TPCN2: variants seen among roughly 807,000 people sequenced by gnomAD.
TPCN2 encodes two pore channel protein 2.
A neutral mutation model predicts 111.4 loss-of-function variants in TPCN2; 92 were observed. That is an observed-to-expected ratio of 0.83 (90% CI 0.70 to 0.98). TPCN2 has a LOEUF of 0.98. Ranked by LOEUF, TPCN2 falls within the 50% of genes least tolerant of loss-of-function variation. TPCN2 has a pLI of 0.00. For synonymous variants in TPCN2, 405 were observed against 414.5 expected, an observed-to-expected ratio of 0.98 and a Z score of 0.28; for missense variants, 995 against 980.1, an observed-to-expected ratio of 1.02 and a Z score of -0.20.
chr11:69,062,904 T>A lies in TPCN2; in HGVS notation c.567T>A (p.Leu189=). Residue 189 remains leucine, a synonymous_variant, in exon 6 of 25, where the codon CTT becomes CTA. Transcript: ENST00000294309. ...TCCAGCCCCTGCGGATCCGCCGGCT[T>A]CTCCGTCCCTTCTTCCTGCTGCAGA... is the stretch of plus-strand genomic sequence containing the variant. ...VCHEPLRIRR[L]LRPFFLLQNS... is the part of the protein sequence containing the mutation. 6.2e-7 allele frequency: 1 copy of A among 1,613,904 alleles called. No homozygotes were observed. Among genetic ancestry groups the A allele is most frequent in the Non-Finnish European group, 8.5e-7 (1 of 1,179,888 alleles).
In TPCN2 at chr11:69,088,308, G is replaced by A. The variant is rs2134653183; in HGVS notation, c.*355G>A. ...TGCCTTTGCTGCCGGCAGCCCTTGG[G>A]GACCACAGGCCTGACCAGGGCCTGC... On this transcript the variant is annotated 3_prime_UTR_variant, in exon 25 of 25. Coordinates refer to ENST00000294309, the MANE Select transcript of TPCN2 (RefSeq NM_139075.4). 2 of 264,682 alleles carry A rather than the reference G, an allele frequency of 7.6e-6. No individual in the cohort carries two copies. Among genetic ancestry groups the A allele is most frequent in the South Asian group, 1.1e-4 (2 of 18,074 alleles). The allele number at this position is 264,682 out of a possible 1,614,324, so 16.4% of individuals were successfully genotyped here.
rs1590703446 is a variant in TPCN2, at chr11:69,054,271, C to G, written c.174+174C>G. 3 of 610,184 alleles carry G rather than the reference C, an allele frequency of 4.9e-6. No homozygotes were observed. The East Asian group carries it at 8.3e-5, about 17-fold the overall frequency. 37.8% of individuals were successfully genotyped at this position (610,184 alleles called of 1,614,324 possible). A position where few individuals can be genotyped will look rare whatever the true frequency, so the allele number is the denominator to read the frequency against. On this transcript the variant is annotated intron_variant, in intron 2 of 24. Transcript: ENST00000294309. ...CTTCGTCAGTCCCCGGAGGACTTGT[C>G]TTCTGCATCCTGGACGCATTTGCTG...
intron 1 of TPCN2, 107 bp from the exon 2 acceptor site, chr11:69,053,926 G>A: frequency 3.2e-6 from 3 of 949,812 alleles, no homozygotes; most frequent in Non-Finnish European, 4.9e-6. Flanking sequence ...CTTTACAAAC[G>A]GCCTTGGGAA....
rs955576959 is a variant in TPCN2, at chr11:69,062,901, G to A, written c.564G>A (p.Arg188=). 6.2e-7 allele frequency: 1 copy of A among 1,613,848 alleles called. No homozygotes were observed. The highest frequency in any genetic ancestry group is 8.5e-7 in the Non-Finnish European group (1 of 1,179,912). Residue 188 remains arginine (R), a synonymous_variant, in exon 6 of 25, where the codon CGG becomes CGA. Coordinates refer to ENST00000294309, the MANE Select transcript of TPCN2 (RefSeq NM_139075.4). ...TCTTCCAGCCCCTGCGGATCCGCCG[G>A]CTTCTCCGTCCCTTCTTCCTGCTGC... The part of the protein sequence containing the change: ...LVCHEPLRIR[R]LLRPFFLLQN...
Position 69,055,109 on chromosome 11 carries a change from C to T in TPCN2, c.252-66C>T, listed in dbSNP as rs980027366. 5 of 1,555,424 alleles carry T rather than the reference C, an allele frequency of 3.2e-6. No individual in the cohort carries two copies. In the African/African-American group the frequency reaches 6.8e-5, roughly 21 times the overall value. On this transcript the variant is annotated intron_variant, in intron 3 of 24. Transcript: ENST00000294309. The stretch of plus-strand genomic sequence containing the variant: ...CCCGTGCTTCGGACTGGGGAAGCTC[C>T]TGACCAGCCTCTGGGCCCTGAGGGC...
In TPCN2 at chr11:69,052,749, G is replaced by A. The variant is rs575986297; in HGVS notation, c.110-1284G>A. On this transcript the variant is annotated intron_variant, in intron 1 of 24. Coordinates refer to ENST00000294309, the MANE Select transcript of TPCN2 (RefSeq NM_139075.4). ...CTAAGGATGGCCAGTGGCGTGGGCG[G>A]GTCATGGCCTGGAGCTCTGCCTGGG... Among the ~76,000 whole-genome samples, 14 of 152,322 alleles carry A rather than the reference G, an allele frequency of 9.2e-5. No individual in the cohort carries two copies. In the South Asian group the frequency reaches 2.9e-3, roughly 32 times the overall value.
intron 13 of TPCN2, among the ~76,000 whole-genome samples, chr11:69,078,001 G>A (rs921314836): frequency 2.6e-5 from 4 of 152,216 alleles, no homozygotes; most frequent in South Asian, 4.1e-4. Flanking sequence ...GCTGCTGAGC[G>A]TGGGAAGTGC....
At chr11:69,060,076 G>A (rs954043347) in intron 5 of TPCN2, among the ~76,000 whole-genome samples, 5 of 152,220 alleles carry the variant, frequency 3.3e-5, no homozygotes, top group East Asian at 1.9e-4. Flanking sequence ...CTTAGGCCAC[G>A]TGCCCTGCAG....
intron 7 of TPCN2, 72 bp downstream of exon 7, chr11:69,064,039 G>T: frequency 6.9e-7 from 1 of 1,456,304 alleles, no homozygotes; most frequent in Admixed American, 1.8e-5. Context: ...GGCTGGGCTG[G>T]TGTCTGCTGC....
At chr11:69,069,391 G>A (rs1317096400) in intron 8 of TPCN2, among the ~76,000 whole-genome samples, 4 of 36,438 alleles carry the variant, frequency 1.1e-4, no homozygotes, top group African/African-American at 2.2e-4. Flanking sequence ...GGAAGTGACC[G>A]CAGTGGGAGC....
intron 19 of TPCN2, 85 bp from the exon 20 acceptor site, chr11:69,085,125 C>T: frequency 7.8e-7 from 1 of 1,288,820 alleles, no homozygotes; most frequent in Non-Finnish European, 1.1e-6. Context: ...CAGTCATCCT[C>T]TGGCTTTGCG....
chr11:69,087,220 G>A lies in TPCN2; in HGVS notation c.2180+14G>A. 1 of 1,611,604 alleles carries A rather than the reference G, an allele frequency of 6.2e-7. No individual in the cohort carries two copies. Among genetic ancestry groups the A allele is most frequent in the Non-Finnish European group, 8.5e-7 (1 of 1,178,114 alleles). ...GCTCCTGTTCAGGTGTGTGGGTGGG[G>A]AAGGCGCTTCTGTCTGGCCCCCTGG... is the stretch of plus-strand genomic sequence containing the variant. On this transcript the variant is annotated intron_variant, in intron 24 of 24. Coordinates refer to ENST00000294309, the MANE Select transcript of TPCN2 (RefSeq NM_139075.4).
intron 10 of TPCN2, 110 bp from the exon 11 acceptor site, chr11:69,071,813 C>CT: frequency 3.9e-6 from 4 of 1,017,344 alleles, no homozygotes; most frequent in Non-Finnish European, 6.0e-6. Flanking sequence ...TGGGCCCCCC[C>CT]CCAAGGCTGC....
In TPCN2 at chr11:69,088,127, A is replaced by C. The variant is rs1060435; in HGVS notation, c.*174A>C. 1.7e-6 allele frequency: 1 copy of C among 595,688 alleles called. No homozygotes were observed. The highest frequency in any genetic ancestry group is 2.0e-5 in the South Asian group (1 of 48,928). 36.9% of individuals were successfully genotyped at this position (595,688 alleles called of 1,614,324 possible). A position where few individuals can be genotyped will look rare whatever the true frequency, so the allele number is the denominator to read the frequency against. On this transcript the variant is annotated 3_prime_UTR_variant, in exon 25 of 25. Transcript: ENST00000294309. ...GTCCTTTGCGTGTGGCCCAACAACC[A>C]TCTACAGAACAGCTGCTGGTGCTTC...
chr11:69,058,761 G>A (rs534092223), intron 5 of TPCN2, among the ~76,000 whole-genome samples: 17 of 152,308 alleles, frequency 1.1e-4, no homozygotes, highest in Admixed American at 7.2e-4. Context: ...TCCCTGACTC[G>A]GCAGCTTCCC....
At chr11:69,060,684 T>C (rs1854982027) in intron 5 of TPCN2, among the ~76,000 whole-genome samples, 1 of 152,184 alleles carries the variant, frequency 6.6e-6, no homozygotes, top group Non-Finnish European at 1.5e-5. Context: ...GGTTGGGCTC[T>C]TGTGTCTGGG....
At chr11:69,054,389 G>T (rs1181230542) in intron 2 of TPCN2, 6 of 571,118 alleles carry the variant, frequency 1.1e-5, no homozygotes, top group Admixed American at 6.1e-5. Context: ...ACAGCTGCAC[G>T]GGGCGTGGGA....
intron 7 of TPCN2, among the ~76,000 whole-genome samples, chr11:69,065,096 C>T (rs543502738): frequency 1.3e-5 from 2 of 150,542 alleles, no homozygotes; most frequent in Non-Finnish European, 3.0e-5. Flanking sequence ...TATGTCTCTG[C>T]GTGCGTGGTG....
chr11:69,078,227 A>G (rs577003557), intron 13 of TPCN2, among the ~76,000 whole-genome samples: 3 of 151,754 alleles, frequency 2.0e-5, no homozygotes, highest in African/African-American at 7.3e-5. Context: ...ATATCACAAC[A>G]TGGTTTACTT....
Sources: gnomAD v4.1 joint callset for allele counts (sites outside exome capture counted in the v4.1 genomes callset) on GRCh38, gnomAD v4.1.1 for gene constraint, MANE v1.5 for transcripts, NCBI Gene and HGNC (gene_info 2026-07-23, HGNC 2026-07-21) for gene names.